HPGDS: variants seen among roughly 807,000 people sequenced by gnomAD.
HPGDS encodes hematopoietic prostaglandin D synthase, also known as GST class-sigma.
Under a neutral mutation model 23.1 loss-of-function variants are expected in HPGDS, and 26 were observed. The ratio of observed to expected loss-of-function variants is 1.13; its 90% CI spans 0.83 to 1.56. The LOEUF (loss-of-function observed/expected upper bound fraction) is 1.56. Among genes scored for constraint, HPGDS ranks in the 40% most tolerant of loss-of-function variants. The probability of loss-of-function intolerance (pLI) is 0.00; values close to 1 mark genes in which losing one functional copy is unlikely to be tolerated. For missense variants in HPGDS, 268 were observed against 236.4 expected (o/e 1.13, Z -0.88); for synonymous variants, 95 against 77.9 (o/e 1.22, Z -1.16).
intron 1 of HPGDS, among the ~76,000 whole-genome samples, chr4:94,336,954 TGTTTC>T (rs1441426100): frequency 4.8e-5 from 1 of 20,932 alleles, no homozygotes; most frequent in Non-Finnish European, 1.0e-4. Flanking sequence ...TGTTTCGTTT[TGTTTC>T]GTTTTGTTTC....
intron 2 of HPGDS, among the ~76,000 whole-genome samples, chr4:94,322,799 T>C (rs1271149501): frequency 6.6e-6 from 1 of 152,236 alleles, no homozygotes; most frequent in African/African-American, 2.4e-5. Flanking sequence ...TCTTGCCTTC[T>C]GCTAGCTTTT....
intron 4 of HPGDS, among the ~76,000 whole-genome samples, chr4:94,304,346 A>C (rs73836715): frequency 2.9e-3 from 447 of 152,286 alleles, no homozygotes; most frequent in African/African-American, 0.01. Flanking sequence ...AAATAACCAA[A>C]GTAACACTAA....
intron 3 of HPGDS, among the ~76,000 whole-genome samples, chr4:94,315,236 C>T (rs1264514297): frequency 3.3e-5 from 5 of 152,184 alleles, no homozygotes; most frequent in Non-Finnish European, 7.3e-5. Flanking sequence ...ATCGCTCACG[C>T]TTCGAGCTGT....
chr4:94,338,404 G>A (rs745378589), intron 1 of HPGDS, among the ~76,000 whole-genome samples: 4 of 152,094 alleles, frequency 2.6e-5, no homozygotes, highest in Non-Finnish European at 5.9e-5. Context: ...CAGCCTGGGC[G>A]ACAGTGAGAC....
chr4:94,299,586 G>A lies in HPGDS; in HGVS notation c.494C>T (p.Pro165Leu). ...ICSTTLLVFK[P>L]DLLDNHPRLV... Reference sequence around the variant, plus strand: ...CCTTGGATGGTTGTCTAACAGGTCAGGCTTAAAGACCAAAAGTGTGGTACT... The same window carrying A: ...CCTTGGATGGTTGTCTAACAGGTCAAGCTTAAAGACCAAAAGTGTGGTACT... Residue 165 changes from proline to leucine, a missense_variant, in exon 6 of 6, where the codon CCT (proline) becomes CTT (leucine). By Grantham distance (98) the Pro-to-Leu change is moderately conservative (BLOSUM62 -3). Coordinates refer to ENST00000295256, the MANE Select transcript of HPGDS (RefSeq NM_014485.3). The A allele has an allele frequency of 1.9e-6, 3 of 1,614,086 alleles. No homozygotes were observed. Among genetic ancestry groups the A allele is most frequent in the Non-Finnish European group, 1.7e-6 (2 of 1,179,996 alleles).
At chr4:94,300,509 C>T (rs1009286252) in intron 5 of HPGDS, among the ~76,000 whole-genome samples, 1 of 152,088 alleles carries the variant, frequency 6.6e-6, no homozygotes, top group Non-Finnish European at 1.5e-5. Context: ...GCTAGTGCCT[C>T]AGGAACTTAT....
At chr4:94,319,462 T>A (rs11935334) in intron 2 of HPGDS, among the ~76,000 whole-genome samples, 3,777 of 152,326 alleles carry the variant, frequency 0.025, 106 homozygotes, top group African/African-American at 0.075. Flanking sequence ...TATTTTGTTT[T>A]TGATTCAGCC....
At chr4:94,336,006 G>C (rs1721003390) in intron 1 of HPGDS, among the ~76,000 whole-genome samples, 2 of 152,088 alleles carry the variant, frequency 1.3e-5, no homozygotes, top group African/African-American at 2.4e-5. Context: ...AGGAGTTCGA[G>C]ACCAGCCTGG....
At position 94,311,991 on chromosome 4, in the gene HPGDS, T is replaced by G. The variant is rs577372580; in HGVS notation, c.227-3248A>C. 5.9e-5 allele frequency among the ~76,000 whole-genome samples: 9 copies of G among 152,286 alleles called. No homozygotes were observed. The South Asian group carries it at 1.9e-3, about 32-fold the overall frequency. On this transcript the variant is annotated intron_variant, in intron 3 of 5. Coordinates refer to ENST00000295256, the MANE Select transcript of HPGDS (RefSeq NM_014485.3). ...TGTGGGATCTGTGGTTATATCCCCT[T>G]TATCATTTTTTATTGCATCTATTTG...
chr4:94,300,083 C>A (rs1756004249), intron 5 of HPGDS, among the ~76,000 whole-genome samples: 1 of 152,190 alleles, frequency 6.6e-6, no homozygotes, highest in Middle Eastern at 3.2e-3. Context: ...AAAGCAGTAC[C>A]CTTTTTTTCA....
chr4:94,309,491 G>A (rs1346078082), intron 3 of HPGDS, among the ~76,000 whole-genome samples: 7 of 152,016 alleles, frequency 4.6e-5, no homozygotes, highest in African/African-American at 7.3e-5. Context: ...AGTATTCCAT[G>A]GTGTATATGT....
chr4:94,340,311 C>CTTTTTCTTTTCT (rs1560598005), intron 1 of HPGDS, among the ~76,000 whole-genome samples: 1 of 23,686 alleles, frequency 4.2e-5, no homozygotes, highest in African/African-American at 1.5e-4. Context: ...CTTTCTTTCT[C>CTTTTTCTTTTCT]TTTTTTTTTT....
At chr4:94,310,859 G>T (rs1052917965) in intron 3 of HPGDS, among the ~76,000 whole-genome samples, 4 of 152,226 alleles carry the variant, frequency 2.6e-5, no homozygotes, top group South Asian at 4.1e-4. Context: ...CACATCCCTT[G>T]TAAGTTGGAT....
chr4:94,305,334 C>T (rs1756119969), intron 4 of HPGDS, among the ~76,000 whole-genome samples: 1 of 151,972 alleles, frequency 6.6e-6, no homozygotes, highest in African/African-American at 2.4e-5. Flanking sequence ...CAAAGCTGAG[C>T]TTCATTATTT....
At chr4:94,332,995 T>C (rs896973241) in intron 2 of HPGDS, among the ~76,000 whole-genome samples, 4 of 152,212 alleles carry the variant, frequency 2.6e-5, no homozygotes, top group Non-Finnish European at 5.9e-5. Context: ...AAAAAACGTT[T>C]TAAAGGGAGA....
chr4:94,323,673 G>A (rs1184235354), intron 2 of HPGDS, among the ~76,000 whole-genome samples: 2 of 151,990 alleles, frequency 1.3e-5, no homozygotes, highest in African/African-American at 4.8e-5. Flanking sequence ...ACTTGAGATG[G>A]GTCTCCTGAA....
chr4:94,316,427 C>G (rs1756399939), intron 3 of HPGDS, among the ~76,000 whole-genome samples: 2 of 79,948 alleles, frequency 2.5e-5, no homozygotes, highest in African/African-American at 1.2e-4. Context: ...GCCATCTGGA[C>G]CATTTCAATG....
chr4:94,311,034 T>G (rs534800714), intron 3 of HPGDS, among the ~76,000 whole-genome samples: 3,858 of 152,162 alleles, frequency 0.025, 110 homozygotes, highest in African/African-American at 0.074. Flanking sequence ...AGGAGATTTT[T>G]GGCTGAGATG....
chr4:94,312,682 C>A (rs1756300751), intron 3 of HPGDS, among the ~76,000 whole-genome samples: 3 of 152,068 alleles, frequency 2.0e-5, no homozygotes, highest in African/African-American at 7.2e-5. Flanking sequence ...GACTTCAATT[C>A]CTGGATATCC....
Sources: allele counts gnomAD v4.1 joint callset (sites outside exome capture counted in the v4.1 genomes callset), GRCh38; gene constraint gnomAD v4.1.1; transcripts MANE v1.5; gene names NCBI Gene and HGNC (gene_info 2026-07-23, HGNC 2026-07-21).